The following SMARCA4 variants were observed in gnomAD, a reference collection of about 807,000 sequenced individuals.
SMARCA4 encodes the protein SWI/SNF-related matrix-associated actin-dependent regulator of chromatin subfamily A member 4.
SMARCA4 carries 31 observed loss-of-function variants against 193.9 expected under a neutral mutation model. That is an observed-to-expected ratio of 0.16 (90% confidence interval 0.12 to 0.22). The LOEUF is 0.22. SMARCA4 is among the 10% of genes least tolerant of loss of function. The pLI, the probability that SMARCA4 is intolerant of heterozygous loss-of-function variation, is 1.00. For missense variants in SMARCA4, 1,148 were observed against 2,296.0 expected (o/e 0.50, Z 10.22); for synonymous variants, 942 against 933.1 (o/e 1.01, Z -0.17).
chr19:11,024,260 C>T (rs935636293), intron 20 of SMARCA4, 71 bp from the exon 21 acceptor site: 3 of 1,041,526 alleles, frequency 2.9e-6, no homozygotes, highest in Non-Finnish European at 4.6e-6. Context: ...GGGGTCAGAG[C>T]TGGGTTCGGA....
intron 24 of SMARCA4, 113 bp downstream of exon 24, chr19:11,028,063 G>A (rs2146550950): frequency 8.5e-7 from 1 of 1,170,336 alleles, no homozygotes; most frequent in Non-Finnish European, 1.3e-6. Context: ...GGCGCTCTGG[G>A]TCCAGTGGCC....
chr19:10,997,877 C>G (rs1026901359), intron 11 of SMARCA4, among the ~76,000 whole-genome samples: 6 of 152,222 alleles, frequency 3.9e-5, no homozygotes, highest in African/African-American at 1.2e-4. Flanking sequence ...TTTCTGCACA[C>G]TGTACCGAGG....
At chr19:10,981,246 TC>T (rs111947005) in intron 1 of SMARCA4, among the ~76,000 whole-genome samples, 1 of 152,164 alleles carries the variant, frequency 6.6e-6, no homozygotes. Context: ...AGCCAGTGCC[TC>T]CCCCTGCCCT....
In SMARCA4 at chr19:11,061,201, AAAAATATATATATATATATATATAT is replaced by A. The variant is rs2076855961; in HGVS notation, c.4912-581_4912-557del. 4.3e-5 allele frequency among the ~76,000 whole-genome samples: 3 copies of A among 69,990 alleles called. 1 individual carries two copies. The highest frequency in any genetic ancestry group is 4.5e-4 in the South Asian group (1 of 2,240). 45.9% of individuals were successfully genotyped at this position (69,990 alleles called of 152,430 possible). A position where few individuals can be genotyped will look rare whatever the true frequency, so the allele number is the denominator to read the frequency against. On this transcript the variant is annotated intron_variant, in intron 34 of 34. Transcript: ENST00000344626. ...AGACCCTGTCTTTAAAAAAAAAAAA[AAAAATATATATATATATATATATAT>A]ATATATATATATATATGAAAGAGCA...
rs2145972816 is a variant in SMARCA4, at chr19:10,996,328, A to T, written c.1709A>T (p.Gln570Leu). ...GCTAACCTCACGGAGCTGGTGCGGC[A>T]GCACAAGGCTGCCCAGGTCGCCAAG... is the stretch of plus-strand genomic sequence containing the variant. Reference protein sequence around the residue: ...YVANLTELVRQHKAAQVAKEK... With the variant: ...YVANLTELVRLHKAAQVAKEK... Residue 570 changes from glutamine (Q) to leucine (L), a missense_variant, in exon 10 of 35, where the codon CAG (glutamine) becomes CTG (leucine). By Grantham distance (113) the Gln-to-Leu change is moderately radical. Around this residue, in one of 17 missense-constraint regions of SMARCA4, gnomAD observed 10 missense variants for 89.9 expected, o/e 0.11. Coordinates refer to ENST00000344626, the MANE Select transcript of SMARCA4 (RefSeq NM_003072.5). 6.2e-7 allele frequency: 1 copy of T among 1,614,246 alleles called. No individual in the cohort carries two copies. Among genetic ancestry groups the T allele is most frequent in the Non-Finnish European group, 8.5e-7 (1 of 1,180,040 alleles).
At chr19:11,006,966 G>C (rs1037558965) in intron 13 of SMARCA4, among the ~76,000 whole-genome samples, 3 of 151,780 alleles carry the variant, frequency 2.0e-5, no homozygotes, top group African/African-American at 7.3e-5. Context: ...GCACGCCTGT[G>C]GTCCCAGCTA....
At chr19:11,025,838 C>T (rs933987822) in intron 22 of SMARCA4, among the ~76,000 whole-genome samples, 2 of 152,114 alleles carry the variant, frequency 1.3e-5, no homozygotes, top group Admixed American at 6.5e-5. Flanking sequence ...CGTTGCGGGG[C>T]GTCAAGAGTC....
At chr19:10,962,961 T>A (rs1348049893) in intron 1 of SMARCA4, among the ~76,000 whole-genome samples, 1 of 152,118 alleles carries the variant, frequency 6.6e-6, no homozygotes, top group Non-Finnish European at 1.5e-5. Flanking sequence ...GAGCTGGGGT[T>A]GTGTCTGCCT....
chr19:11,034,087 C>A lies in SMARCA4; in HGVS notation c.3874-36C>A. ...AGCTCGGCCGCCGCCCACCCCGGCC[C>A]CTCCTCAGCGGCACTGACAGTTTGC... On this transcript the variant is annotated intron_variant, in intron 27 of 34. Coordinates refer to ENST00000344626, the MANE Select transcript of SMARCA4 (RefSeq NM_003072.5). The surrounding 1 kb of genome is among the most constrained non-coding windows in gnomAD (Gnocchi z 7.0). The A allele has an allele frequency of 6.4e-7, 1 of 1,567,570 alleles. No homozygotes were observed. The highest frequency in any genetic ancestry group is 8.8e-7 in the Non-Finnish European group (1 of 1,138,488).
intron 8 of SMARCA4, 34 bp downstream of exon 8, chr19:10,991,357 G>T (rs1385542909): frequency 1.9e-6 from 3 of 1,560,830 alleles, no homozygotes; most frequent in Non-Finnish European, 2.6e-6. Context: ...CCTGCAGCCC[G>T]CCCACCTGGC....
intron 30 of SMARCA4, among the ~76,000 whole-genome samples, chr19:11,045,200 G>A (rs1353244952): frequency 1.3e-5 from 2 of 152,152 alleles, no homozygotes; most frequent in East Asian, 3.9e-4. Context: ...GGCGCCTGTA[G>A]TCCCAGCTAC....
chr19:11,041,427 C>T lies in SMARCA4; in HGVS notation c.4291C>T (p.Arg1431Cys), dbSNP rs587778681. The change falls in exon 30 of 35, where the codon CGC (arginine) becomes TGC (cysteine). Residue 1431 changes from arginine to cysteine, a missense_variant. Physicochemically the swap from Arg to Cys is radical, Grantham distance 180. Coordinates refer to ENST00000344626, the MANE Select transcript of SMARCA4 (RefSeq NM_003072.5). This position sits in a 1 kb window ranked among gnomAD's most constrained non-coding sequence, Gnocchi z 5.6. ...CACCCCGACCACCAGCACCCGCAGC[C>T]GCGACAAGGACGACGAGAGCAAGAA... is the stretch of plus-strand genomic sequence containing the variant. ...SSTPTTSTRS[R>C]DKDDESKKQK... The T allele has an allele frequency of 9.9e-6, 16 of 1,612,396 alleles. No homozygotes were observed. The highest frequency in any genetic ancestry group is 5.0e-5 in the Admixed American group (3 of 59,998).
chr19:11,033,220 T>C lies in SMARCA4; in HGVS notation c.3547-70T>C. 1 of 1,174,086 alleles carries C rather than the reference T, an allele frequency of 8.5e-7. No individual in the cohort carries two copies. The highest frequency in any genetic ancestry group is 1.3e-6 in the Non-Finnish European group (1 of 782,030). 72.7% of individuals were successfully genotyped at this position (1,174,086 alleles called of 1,614,324 possible). On this transcript the variant is annotated intron_variant, in intron 25 of 34. Transcript: ENST00000344626. The surrounding 1 kb of genome is among the most constrained non-coding windows in gnomAD (Gnocchi z 9.8). The stretch of plus-strand genomic sequence containing the variant: ...ACGCACAGCACACCTCTCCAGCTAG[T>C]GTCAGAGGCCACCTTCCCTTTTATG...
At chr19:11,059,989 T>G in intron 33 of SMARCA4, 56 bp from the exon 34 acceptor site, 1 of 1,609,252 alleles carries the variant, frequency 6.2e-7, no homozygotes. Context: ...CCCCTTGCTG[T>G]GGGGGTGCTG....
chr19:11,003,311 T>G, intron 12 of SMARCA4, 29 bp from the exon 13 acceptor site: 1 of 1,611,312 alleles, frequency 6.2e-7, no homozygotes, highest in Non-Finnish European at 8.5e-7. Context: ...CTGAGCAGAT[T>G]TGTATGAAAG....
intron 29 of SMARCA4, among the ~76,000 whole-genome samples, chr19:11,037,112 G>A (rs1214664380): frequency 6.6e-6 from 1 of 152,134 alleles, no homozygotes; most frequent in Non-Finnish European, 1.5e-5. Flanking sequence ...ACGTTTTTGC[G>A]TGCACGCGTT....
At chr19:11,015,527 A>G (rs2146313602) in intron 16 of SMARCA4, among the ~76,000 whole-genome samples, 1 of 152,268 alleles carries the variant, frequency 6.6e-6, no homozygotes, top group African/African-American at 2.4e-5. Context: ...TGTCTCGGGC[A>G]AGGTGCCTGC....
intron 1 of SMARCA4, among the ~76,000 whole-genome samples, chr19:10,975,463 C>T (rs2085056281): frequency 6.6e-6 from 1 of 152,052 alleles, no homozygotes. Context: ...AGGCCAGCTC[C>T]ACCACGCCCA....
rs572033801 is a variant in SMARCA4, at chr19:11,004,110, G to A, written c.2001+713G>A. 1.1e-4 allele frequency among the ~76,000 whole-genome samples: 17 copies of A among 152,018 alleles called. No homozygotes were observed. In the South Asian group the frequency reaches 2.9e-3, roughly 26 times the overall value. ...TGGCTCACTGCAGCCTCCACCTCCC[G>A]TGTTCAAGCGATTCTCCTGCCTCAG... On this transcript the variant is annotated intron_variant, in intron 13 of 34. Coordinates refer to ENST00000344626, the MANE Select transcript of SMARCA4 (RefSeq NM_003072.5).
Sources: allele counts gnomAD v4.1 joint callset (sites outside exome capture counted in the v4.1 genomes callset), GRCh38; gene constraint gnomAD v4.1.1; regional missense constraint gnomAD v4.1.1; non-coding constraint Gnocchi (gnomAD v3.1); transcripts MANE v1.5; gene names NCBI Gene and HGNC (gene_info 2026-07-23, HGNC 2026-07-21).